The following TSNAXIP1 variants were observed in gnomAD, a reference collection of about 807,000 sequenced individuals.
TSNAXIP1 encodes the protein translin associated factor X interacting protein 1.
A neutral mutation model predicts 84.8 loss-of-function variants in TSNAXIP1; 89 were observed. The observed-to-expected ratio is 1.05, with a 90% CI of 0.88 to 1.25. The LOEUF (loss-of-function observed/expected upper bound fraction) is 1.25. TSNAXIP1 is among the 50% of genes most tolerant of loss of function. TSNAXIP1 has a pLI of 0.00. For synonymous variants in TSNAXIP1, 347 were observed against 335.2 expected, an observed-to-expected ratio of 1.04 and a Z score of -0.39; for missense variants, 874 against 887.6, an observed-to-expected ratio of 0.98 and a Z score of 0.20.
At chr16:67,810,046 A>G (rs1267854018) in intron 1 of TSNAXIP1, among the ~76,000 whole-genome samples, 2 of 152,136 alleles carry the variant, frequency 1.3e-5, no homozygotes, top group Non-Finnish European at 1.5e-5. Flanking sequence ...GGCCAGACTC[A>G]CTGTTTCTCT....
rs997286144 is a variant in TSNAXIP1, at chr16:67,825,920, G to C, written c.988G>C (p.Asp330His). 3 of 1,613,966 alleles carry C rather than the reference G, an allele frequency of 1.9e-6. No individual in the cohort carries two copies. The African/African-American group carries it at 4.0e-5, about 22-fold the overall frequency. ...KTNKDLQEQL[D>H]TLRASYEEVR... ...GGGCCAATGTCCTTGCCCACAGCTG[G>C]ACACCCTGAGAGCCAGCTACGAGGA... is the stretch of plus-strand genomic sequence containing the variant. The change falls in exon 9 of 16, where the codon GAC becomes CAC. Residue 330 changes from aspartate (D) to histidine (H), a missense_variant. Asp to His is a moderately conservative substitution (Grantham distance 81). Coordinates refer to ENST00000561639, the MANE Select transcript of TSNAXIP1 (RefSeq NM_001288990.3).
Position 67,827,796 on chromosome 16 carries a change from A to G in TSNAXIP1, c.1942A>G (p.Thr648Ala). Residue 648 changes from threonine (T) to alanine (A), a missense_variant, in exon 16 of 16, where the codon ACC (threonine) becomes GCC (alanine). Transcript: ENST00000561639. Reference protein sequence around the residue: ...TLPKLRGGLMTIDPSLDKQTV... With the variant: ...TLPKLRGGLMAIDPSLDKQTV... ...GCCCAAGCTGCGAGGGGGCCTGATG[A>G]CCATCGACCCCAGCCTGGACAAGCA... 1 of 1,614,094 alleles carries G rather than the reference A, an allele frequency of 6.2e-7. No individual in the cohort carries two copies. The highest frequency in any genetic ancestry group is 2.2e-5 in the East Asian group (1 of 44,862).
chr16:67,826,632 G>A (rs531496148), intron 11 of TSNAXIP1, 60 bp from the exon 12 acceptor site: 44 of 1,611,358 alleles, frequency 2.7e-5, no homozygotes, highest in Non-Finnish European at 3.7e-5. Flanking sequence ...GTCCAGAGGT[G>A]ACAGGGATGA....
In TSNAXIP1 at chr16:67,825,677, G is replaced by T. The variant is rs1429715222; in HGVS notation, c.825G>T (p.Gly275=). The change falls in exon 8 of 16, where the codon GGG becomes GGT. Residue 275 remains glycine, a synonymous_variant. Coordinates refer to ENST00000561639, the MANE Select transcript of TSNAXIP1 (RefSeq NM_001288990.3). ...CCCTTCCCCTGGCAGGCATCTGGGGGGAGGACCCTGTGAAGTTAACCCTGG... is the reference window on the plus strand; with the variant it reads ...CCCTTCCCCTGGCAGGCATCTGGGGTGAGGACCCTGTGAAGTTAACCCTGG... The part of the protein sequence containing the change: ...MSLAQSPGIW[G]EDPVKLTLAL... 6.2e-7 allele frequency: 1 copy of T among 1,612,206 alleles called. No individual in the cohort carries two copies.
intron 6 of TSNAXIP1, 22 bp downstream of exon 6, chr16:67,824,801 A>G (rs1231231300): frequency 4.4e-6 from 7 of 1,607,724 alleles, no homozygotes; most frequent in Middle Eastern, 1.7e-4. Context: ...TGGTGTGATG[A>G]TGACCAAGTC....
Position 67,807,020 on chromosome 16 carries a change from G to C in TSNAXIP1, c.-130G>C, listed in dbSNP as rs2084970742. 4.2e-6 allele frequency: 6 copies of C among 1,422,316 alleles called. No homozygotes were observed. Among genetic ancestry groups the C allele is most frequent in the Non-Finnish European group, 5.6e-6 (6 of 1,077,920 alleles). The allele number at this position is 1,422,316 out of a possible 1,614,324, so 88.1% of individuals were successfully genotyped here. ...CCCAGCCCGCGGGCGCTAGGCTCGGGGGCGTGGCGCATCCCTGACTCCGCC... is the reference window on the plus strand; with the variant it reads ...CCCAGCCCGCGGGCGCTAGGCTCGGCGGCGTGGCGCATCCCTGACTCCGCC... On this transcript the variant is annotated 5_prime_UTR_variant, in exon 1 of 16. Transcript: ENST00000561639.
Position 67,820,879 on chromosome 16 carries a change from C to G in TSNAXIP1, c.188C>G (p.Pro63Arg), listed in dbSNP as rs1275293785. The G allele has an allele frequency of 1.3e-5, 20 of 1,591,816 alleles. No individual in the cohort carries two copies. Among genetic ancestry groups the G allele is most frequent in the Non-Finnish European group, 1.7e-5 (20 of 1,169,658 alleles). ...ATGGGTGGGCACCTGTCCCCATGGC[C>G]CACATACACCAGTGGCCAGACCATT... ...FSMGGHLSPW[P>R]TYTSGQTILQ... The change falls in exon 3 of 16, where the codon CCC (proline) becomes CGC (arginine). Residue 63 changes from proline (P) to arginine (R), a missense_variant. By Grantham distance (103) the Pro-to-Arg change is moderately radical. Coordinates refer to ENST00000561639, the MANE Select transcript of TSNAXIP1 (RefSeq NM_001288990.3).
chr16:67,824,956 C>A (rs1266940800), intron 6 of TSNAXIP1, among the ~76,000 whole-genome samples, 177 bp downstream of exon 6: 1 of 152,220 alleles, frequency 6.6e-6, no homozygotes, highest in Non-Finnish European at 1.5e-5. Flanking sequence ...GTACTTTCCC[C>A]ACAGGGGGAA....
At position 67,826,249 on chromosome 16, in the gene TSNAXIP1, G is replaced by A. The variant is rs749917081; in HGVS notation, c.1242G>A (p.Gly414=). The A allele has an allele frequency of 2.1e-5, 34 of 1,586,398 alleles. 1 individual carries two copies. The highest frequency in any genetic ancestry group is 2.9e-5 in the Non-Finnish European group (34 of 1,164,764). The change falls in exon 10 of 16, where the codon GGG becomes GGA. Residue 414 remains glycine, a synonymous_variant. Transcript: ENST00000561639. ...TGCTCCTGGAAGAGATTGGTTCGGG[G>A]CTGCTGCGGGAGAAAGACTTCTTCC... ...VDVLLEEIGS[G]LLREKDFFPG...
At chr16:67,807,282 T>C in intron 1 of TSNAXIP1, 86 bp downstream of exon 1, 4 of 1,535,184 alleles carry the variant, frequency 2.6e-6, no homozygotes, top group Non-Finnish European at 3.5e-6. Context: ...CCTCTGCACC[T>C]CCTGCTGGCC....
intron 2 of TSNAXIP1, among the ~76,000 whole-genome samples, chr16:67,816,281 T>C (rs1319609563): frequency 6.6e-6 from 1 of 152,102 alleles, no homozygotes; most frequent in African/African-American, 2.4e-5. Flanking sequence ...TGCTGTCTTA[T>C]TAAGTACTTT....
chr16:67,814,228 A>T (rs962242080), intron 1 of TSNAXIP1, 74 bp from the exon 2 acceptor site: 1 of 1,219,302 alleles, frequency 8.2e-7, no homozygotes, highest in South Asian at 1.3e-5. Flanking sequence ...TGCCTTGTGG[A>T]TCTAGAAAGG....
At chr16:67,812,858 G>A (rs1475897864) in intron 1 of TSNAXIP1, among the ~76,000 whole-genome samples, 2 of 152,060 alleles carry the variant, frequency 1.3e-5, no homozygotes, top group Non-Finnish European at 1.5e-5. Flanking sequence ...CGATCTGCCC[G>A]CCTTGGCTTC....
chr16:67,817,586 TG>T (rs2056684187), intron 2 of TSNAXIP1, among the ~76,000 whole-genome samples: 2 of 146,740 alleles, frequency 1.4e-5, no homozygotes, highest in African/African-American at 4.9e-5. Flanking sequence ...GGCCAAGGAC[TG>T]GTCTTTTACA....
In TSNAXIP1 at chr16:67,814,259, C is replaced by G. The variant is rs3743731; in HGVS notation, c.48-43C>G. On this transcript the variant is annotated intron_variant, in intron 1 of 15. Coordinates refer to ENST00000561639, the MANE Select transcript of TSNAXIP1 (RefSeq NM_001288990.3). ...AAAGGATGGGAGTTCTCTTCCCACT[C>G]TGGACTCTGTCACCCACCATCAGCT... The G allele has an allele frequency of 1.5e-5, 22 of 1,449,644 alleles. No homozygotes were observed. The East Asian group carries it at 4.9e-4, about 33-fold the overall frequency. The allele number at this position is 1,449,644 out of a possible 1,614,324, so 89.8% of individuals were successfully genotyped here. A position where few individuals can be genotyped will look rare whatever the true frequency, so the allele number is the denominator to read the frequency against.
At chr16:67,817,821 G>A (rs2151221945) in intron 2 of TSNAXIP1, among the ~76,000 whole-genome samples, 1 of 152,124 alleles carries the variant, frequency 6.6e-6, no homozygotes, top group Middle Eastern at 3.4e-3. Flanking sequence ...GGGAGGTGGA[G>A]GTTGCAGTGA....
At chr16:67,816,283 A>G (rs2151214720) in intron 2 of TSNAXIP1, among the ~76,000 whole-genome samples, 1 of 152,190 alleles carries the variant, frequency 6.6e-6, no homozygotes, top group South Asian at 2.1e-4. Flanking sequence ...CTGTCTTATT[A>G]AGTACTTTTG....
At chr16:67,814,166 G>A (rs984940882) in intron 1 of TSNAXIP1, 136 bp from the exon 2 acceptor site, 1 of 663,432 alleles carries the variant, frequency 1.5e-6, no homozygotes, top group African/African-American at 1.8e-5. Context: ...GCTTGGCAGT[G>A]TCTCTGGGAA....
intron 8 of TSNAXIP1, 40 bp from the exon 9 acceptor site, chr16:67,825,877 C>T (rs2057400610): frequency 6.2e-7 from 1 of 1,614,012 alleles, no homozygotes; most frequent in African/African-American, 1.3e-5. Flanking sequence ...AGGACGGGGT[C>T]TCACAGGTGG....
Sources: gnomAD v4.1 joint callset for allele counts (sites outside exome capture counted in the v4.1 genomes callset) on GRCh38, gnomAD v4.1.1 for gene constraint, MANE v1.5 for transcripts, NCBI Gene and HGNC (gene_info 2026-07-23, HGNC 2026-07-21) for gene names.